Variants in NFATC1 observed in about 807,000 individuals in gnomAD.
NFATC1 encodes nuclear factor of activated T cells 1, also known as nuclear factor of activated T-cells, cytoplasmic 1.
In NFATC1, 22 loss-of-function variants were observed where a neutral mutation model predicts 76.0. The observed-to-expected ratio is 0.29, with a 90% CI of 0.21 to 0.41. NFATC1 has a LOEUF of 0.41. Ranked by LOEUF, NFATC1 falls within the 10% of genes least tolerant of loss-of-function variation. The probability of loss-of-function intolerance (pLI) is 1.00; values close to 1 mark genes in which losing one functional copy is unlikely to be tolerated. For synonymous variants in NFATC1, 704 were observed against 613.1 expected, an observed-to-expected ratio of 1.15 and a Z score of -2.19; for missense variants, 1,357 against 1,337.7, an observed-to-expected ratio of 1.01 and a Z score of -0.23.
intron 2 of NFATC1, among the ~76,000 whole-genome samples, chr18:79,426,422 A>G (rs1160305426): frequency 6.6e-6 from 1 of 152,066 alleles, no homozygotes; most frequent in Non-Finnish European, 1.5e-5. Flanking sequence ...ACTGTCCTCC[A>G]TGCCACGTCC....
chr18:79,462,027 C>T (rs991822700), intron 7 of NFATC1, among the ~76,000 whole-genome samples: 3 of 152,206 alleles, frequency 2.0e-5, no homozygotes, highest in Non-Finnish European at 2.9e-5. Context: ...GTCACCGGGC[C>T]GTTTCCAACT....
intron 2 of NFATC1, chr18:79,422,211 C>T (rs1338427376): frequency 3.3e-5 from 5 of 152,266 alleles, no homozygotes; most frequent in African/African-American, 1.2e-4. Context: ...GAATCAGTTC[C>T]ATGACTGATC....
chr18:79,419,387 T>C (rs2085988116), intron 2 of NFATC1, among the ~76,000 whole-genome samples: 1 of 151,056 alleles, frequency 6.6e-6, no homozygotes, highest in Non-Finnish European at 1.5e-5. Flanking sequence ...GGAGCCCCCC[T>C]AGGAGGGTCA....
intron 8 of NFATC1, among the ~76,000 whole-genome samples, chr18:79,478,816 C>T (rs1046983438): frequency 1.2e-4 from 19 of 152,316 alleles, no homozygotes; most frequent in African/African-American, 3.4e-4. Context: ...GACTCTGCAG[C>T]GGCATCAGAG....
At chr18:79,460,868 C>T (rs547407989) in intron 6 of NFATC1, among the ~76,000 whole-genome samples, 44 of 152,308 alleles carry the variant, frequency 2.9e-4, no homozygotes, top group African/African-American at 1.0e-3. Flanking sequence ...CACGCACAGA[C>T]GCCCTGCACA....
chr18:79,405,142 G>C (rs2085391582), intron 1 of NFATC1, among the ~76,000 whole-genome samples: 1 of 152,222 alleles, frequency 6.6e-6, no homozygotes, highest in Non-Finnish European at 1.5e-5. Context: ...CCTGATGGCT[G>C]AGCGAGCCGG....
At chr18:79,453,210 T>C (rs923162627) in intron 6 of NFATC1, among the ~76,000 whole-genome samples, 4 of 152,206 alleles carry the variant, frequency 2.6e-5, no homozygotes, top group African/African-American at 9.7e-5. Flanking sequence ...AGGGCCTCGC[T>C]TGGGCCAAGA....
rs2087444201 is a variant in NFATC1 at position 79,450,920 on chromosome 18, T to C, written c.1590-34T>C. On this transcript the variant is annotated intron_variant, in intron 4 of 9. Transcript: ENST00000427363. ...GCCTTTACGCTCCCGCGTCAGCCAT[T>C]GAAAGAAAAGCTGTGGGCTTTTGTT... The C allele has an allele frequency of 1.9e-6, 3 of 1,598,342 alleles. No individual in the cohort carries two copies. In the African/African-American group the frequency reaches 4.0e-5, roughly 21 times the overall value.
intron 6 of NFATC1, among the ~76,000 whole-genome samples, chr18:79,460,303 T>G (rs952382780): frequency 3.3e-5 from 5 of 152,258 alleles, no homozygotes; most frequent in African/African-American, 1.2e-4. Flanking sequence ...AGGATAAACT[T>G]AAGTGTGTAT....
Position 79,411,314 on chromosome 18 carries a change from G to T in NFATC1, c.1039G>T (p.Ala347Ser). 6.2e-7 allele frequency: 1 copy of T among 1,603,426 alleles called. No homozygotes were observed. ...CACCCTGGAGCAGCCGCCCTCAGTG[G>T]CGCTCAAGGTGGAGCCCGTCGGGGA... ...KTTLEQPPSV[A>S]LKVEPVGEDL... Residue 347 changes from alanine (A) to serine (S), a missense_variant, in exon 2 of 10, where the codon GCG becomes TCG. By Grantham distance (99) the Ala-to-Ser change is moderately conservative (BLOSUM62 1). This residue lies in a region of NFATC1 where 691 missense variants were observed against 613.1 expected (regional missense o/e 1.13). Coordinates refer to ENST00000427363, the MANE Select transcript of NFATC1 (RefSeq NM_001278669.2).
intron 8 of NFATC1, among the ~76,000 whole-genome samples, chr18:79,484,528 G>C (rs571179797): frequency 3.3e-5 from 5 of 152,026 alleles, no homozygotes. Flanking sequence ...TTTAAACCTC[G>C]ATCTCCCCAC....
chr18:79,426,188 C>G (rs549359798), intron 2 of NFATC1, among the ~76,000 whole-genome samples: 1 of 151,842 alleles, frequency 6.6e-6, no homozygotes, highest in Admixed American at 6.5e-5. Context: ...AAAAAGAATT[C>G]GATAATCCTG....
chr18:79,470,148 C>G (rs2088717965), intron 8 of NFATC1: 1 of 300,766 alleles, frequency 3.3e-6, no homozygotes, highest in Non-Finnish European at 4.9e-6. Flanking sequence ...TGGGGTCCAG[C>G]TCAGATGGCT....
intron 8 of NFATC1, among the ~76,000 whole-genome samples, chr18:79,478,842 G>C (rs999933298): frequency 6.6e-6 from 1 of 152,236 alleles, no homozygotes; most frequent in South Asian, 2.1e-4. Context: ...CTGGGCCCCA[G>C]AACAGCACCA....
intron 8 of NFATC1, among the ~76,000 whole-genome samples, chr18:79,474,262 C>T (rs1487301390): frequency 6.2e-5 from 8 of 129,832 alleles, no homozygotes; most frequent in Non-Finnish European, 9.5e-5. Flanking sequence ...TCACTGTCGA[C>T]GTAAACCTGA....
At chr18:79,527,430 C>T in intron 9 of NFATC1, 98 bp from the exon 10 acceptor site, 2 of 962,036 alleles carry the variant, frequency 2.1e-6, no homozygotes, top group Non-Finnish European at 1.6e-6. Context: ...TGCCTTGTCA[C>T]AGGCGTGAGC....
intron 7 of NFATC1, among the ~76,000 whole-genome samples, chr18:79,464,825 C>A (rs1600817070): frequency 6.6e-6 from 1 of 150,928 alleles, no homozygotes; most frequent in East Asian, 2.0e-4. Flanking sequence ...CATGCCTCAG[C>A]CTCGCCAGTA....
At chr18:79,498,077 GA>G (rs1241882081) in intron 9 of NFATC1, 4 of 130,820 alleles carry the variant, frequency 3.1e-5, no homozygotes, top group Non-Finnish European at 4.9e-5. Context: ...GGGGGGGGGG[GA>G]ATCTCATTTC....
chr18:79,413,166 T>C (rs1195466614), intron 2 of NFATC1, among the ~76,000 whole-genome samples: 1 of 152,188 alleles, frequency 6.6e-6, no homozygotes, highest in African/African-American at 2.4e-5. Context: ...ACCGCGGAAC[T>C]TCACTGAACT....
Sources: allele counts gnomAD v4.1 joint callset (sites outside exome capture counted in the v4.1 genomes callset), GRCh38; gene constraint gnomAD v4.1.1; regional missense constraint gnomAD v4.1.1; transcripts MANE v1.5; gene names NCBI Gene and HGNC (gene_info 2026-07-23, HGNC 2026-07-21).